Variants in CHD1 observed in about 807,000 individuals in gnomAD.
CHD1 encodes the protein chromodomain helicase DNA binding protein 1.
CHD1 carries 36 observed loss-of-function variants against 224.2 expected under a neutral mutation model. The ratio of observed to expected loss-of-function variants is 0.16; its 90% CI spans 0.12 to 0.21. CHD1 has a LOEUF of 0.21. Among genes scored for constraint, CHD1 ranks in the 10% least tolerant of loss-of-function variants. The pLI, the probability that CHD1 is intolerant of heterozygous loss-of-function variation, is 1.00. For missense variants in CHD1, 1,378 were observed against 1,994.8 expected (o/e 0.69, Z 5.89); for synonymous variants, 668 against 658.3 (o/e 1.01, Z -0.23).
intron 15 of CHD1, 85 bp from the exon 16 acceptor site, chr5:98,889,323 C>T: frequency 1.0e-6 from 1 of 963,420 alleles, no homozygotes; most frequent in Non-Finnish European, 1.5e-6. Context: ...ACAAAAAAAG[C>T]CAACGATAGT....
At chr5:98,889,795 C>T (rs1019319351) in intron 15 of CHD1, 1 of 152,084 alleles carries the variant, frequency 6.6e-6, no homozygotes, top group Non-Finnish European at 1.5e-5. Flanking sequence ...GGTCCCCATA[C>T]AAGGATGACA....
intron 32 of CHD1, 63 bp downstream of exon 32, chr5:98,863,345 A>T (rs1580354413): frequency 5.8e-5 from 8 of 138,672 alleles, no homozygotes; most frequent in Non-Finnish European, 8.9e-5. Flanking sequence ...GAAAGAAAAC[A>T]AAAAAAAAAA....
chr5:98,877,542 A>T (rs190630787), intron 23 of CHD1, among the ~76,000 whole-genome samples: 55 of 152,356 alleles, frequency 3.6e-4, no homozygotes, highest in Non-Finnish European at 4.9e-4. Context: ...TATTTGTAAC[A>T]TCCATTAATT....
At position 98,881,157 on chromosome 5, in the gene CHD1, A is replaced by T; in HGVS notation, c.2979T>A (p.Asp993Glu). The T allele has an allele frequency of 6.3e-7, 1 of 1,596,700 alleles. No individual in the cohort carries two copies. The highest frequency in any genetic ancestry group is 8.6e-7 in the Non-Finnish European group (1 of 1,168,618). The change falls in exon 22 of 36, where the codon GAT (aspartate) becomes GAA (glutamate). Residue 993 changes from aspartate to glutamate, a missense_variant. By Grantham distance (45) the Asp-to-Glu change is conservative (BLOSUM62 2). Transcript: ENST00000614616. ...GAGTTTCAGCTCTCTTCAAGATTTC[A>T]TCTATATCCATTTCCTATAATTAAA... The part of the protein sequence containing the change: ...EEQEPQEMDI[D>E]EILKRAETHE...
At chr5:98,869,697 A>G (rs1749186830) in intron 30 of CHD1, 57 bp downstream of exon 30, 2 of 1,577,642 alleles carry the variant, frequency 1.3e-6, no homozygotes, top group Non-Finnish European at 1.7e-6. Flanking sequence ...AAGTACACAA[A>G]AACATGCCAT....
In CHD1 at chr5:98,901,260, C is replaced by T. The variant is rs1302436340; in HGVS notation, c.513G>A (p.Glu171=). The T allele has an allele frequency of 1.2e-6, 2 of 1,613,208 alleles. No homozygotes were observed. Among genetic ancestry groups the T allele is most frequent in the Non-Finnish European group, 1.7e-6 (2 of 1,179,476 alleles). Residue 171 remains glutamate (E), a synonymous_variant, in exon 6 of 36, where the codon GAG becomes GAA. Coordinates refer to ENST00000614616, the MANE Select transcript of CHD1 (RefSeq NM_001270.4). ...GSDSESEEER[E]KSSCDETESD... is the part of the protein sequence containing the mutation. ...ATTCTGTTTCATCACAACTGCTTTTCTCTCTCTCTTCTTCAGATTCTGAAT... is the reference window on the plus strand; with the variant it reads ...ATTCTGTTTCATCACAACTGCTTTTTTCTCTCTCTTCTTCAGATTCTGAAT...
At chr5:98,895,570 T>C (rs947522349) in intron 12 of CHD1, among the ~76,000 whole-genome samples, 14 of 151,030 alleles carry the variant, frequency 9.3e-5, no homozygotes, top group African/African-American at 2.4e-4. Context: ...CTGGGCAACA[T>C]AGTGAAACCC....
chr5:98,910,652 A>G (rs1246361231), intron 2 of CHD1, among the ~76,000 whole-genome samples: 1 of 152,136 alleles, frequency 6.6e-6, no homozygotes, highest in Non-Finnish European at 1.5e-5. Flanking sequence ...CAAATTACGA[A>G]TAAGAATGTT....
chr5:98,888,215 A>G lies in CHD1; in HGVS notation c.2369T>C (p.Leu790Ser). Reference protein sequence around the residue: ...LQHLIRSSGKLILLDKLLIRL... With the variant: ...LQHLIRSSGKSILLDKLLIRL... ...AATTAATAGCTTGTCAAGAAGAATC[A>G]ATTTTCCGCTACTACGAATTAAGTG... Residue 790 changes from leucine (L) to serine (S), a missense_variant, in exon 17 of 36, where the codon TTG (leucine) becomes TCG (serine). Leu to Ser is a moderately radical substitution (Grantham distance 145). Coordinates refer to ENST00000614616, the MANE Select transcript of CHD1 (RefSeq NM_001270.4). 1 of 1,609,242 alleles carries G rather than the reference A, an allele frequency of 6.2e-7. No homozygotes were observed. Among genetic ancestry groups the G allele is most frequent in the Non-Finnish European group, 8.5e-7 (1 of 1,177,940 alleles).
At chr5:98,902,530 T>C (rs947796939) in intron 5 of CHD1, among the ~76,000 whole-genome samples, 1 of 152,012 alleles carries the variant, frequency 6.6e-6, no homozygotes, top group Admixed American at 6.5e-5. Flanking sequence ...TGCAACTGAA[T>C]AGTAAGGATA....
intron 2 of CHD1, among the ~76,000 whole-genome samples, chr5:98,919,328 T>C (rs1044877037): frequency 6.6e-6 from 1 of 152,206 alleles, no homozygotes; most frequent in Non-Finnish European, 1.5e-5. Flanking sequence ...AGTATGATGA[T>C]GATCACAGGA....
chr5:98,894,818 T>G (rs1269281483), intron 12 of CHD1, 132 bp from the exon 13 acceptor site: 5 of 452,886 alleles, frequency 1.1e-5, no homozygotes, highest in African/African-American at 1.0e-4. Flanking sequence ...AATAAAAGAG[T>G]TTTTGTGGTT....
In CHD1 at chr5:98,870,211, G is replaced by A. The variant is rs144471278; in HGVS notation, c.3979-329C>T. Among the ~76,000 whole-genome samples the A allele has an allele frequency of 3.3e-3, 502 of 152,192 alleles. 3 individuals carry two copies. Among genetic ancestry groups the A allele is most frequent in the Middle Eastern group, 0.014 (4 of 294 alleles). The stretch of plus-strand genomic sequence containing the variant: ...GACTGCATTAGGAATGATTTTTAAC[G>A]CTACACAGGTAGTTATTGACATTAT... On this transcript the variant is annotated intron_variant, in intron 29 of 35. Coordinates refer to ENST00000614616, the MANE Select transcript of CHD1 (RefSeq NM_001270.4).
chr5:98,874,329 A>G (rs751564734), intron 25 of CHD1, among the ~76,000 whole-genome samples: 36 of 152,104 alleles, frequency 2.4e-4, no homozygotes, highest in Non-Finnish European at 4.4e-4. Flanking sequence ...ATTATCTGAT[A>G]ACTTCAAAAA....
At chr5:98,882,579 G>C (rs79031893) in intron 19 of CHD1, among the ~76,000 whole-genome samples, 2 of 152,098 alleles carry the variant, frequency 1.3e-5, no homozygotes. Flanking sequence ...AATTGGTGTA[G>C]TAAATTTTCC....
intron 2 of CHD1, among the ~76,000 whole-genome samples, chr5:98,921,365 G>A (rs1424427643): frequency 6.6e-6 from 1 of 152,180 alleles, no homozygotes; most frequent in Non-Finnish European, 1.5e-5. Context: ...GTGGCAAGAT[G>A]CTATGACTCC....
chr5:98,894,486 C>T (rs994178872), intron 13 of CHD1, 111 bp downstream of exon 13: 62 of 418,132 alleles, frequency 1.5e-4, no homozygotes, highest in African/African-American at 1.2e-3. Flanking sequence ...AGACCACAGG[C>T]TATAGCTTGC....
chr5:98,904,096 A>T (rs41300817), intron 3 of CHD1, among the ~76,000 whole-genome samples, 188 bp from the exon 4 acceptor site: 4 of 151,278 alleles, frequency 2.6e-5, no homozygotes, highest in African/African-American at 4.9e-5. Context: ...AGTTATGTAT[A>T]AAAAAAAATG....
chr5:98,876,316 T>A, intron 24 of CHD1, 82 bp downstream of exon 24: 4 of 1,398,230 alleles, frequency 2.9e-6, no homozygotes, highest in Non-Finnish European at 4.0e-6. Flanking sequence ...TCATCACAAT[T>A]TTTGAAAATT....
Sources: allele counts gnomAD v4.1 joint callset (sites outside exome capture counted in the v4.1 genomes callset), GRCh38; gene constraint gnomAD v4.1.1; transcripts MANE v1.5; gene names NCBI Gene and HGNC (gene_info 2026-07-23, HGNC 2026-07-21).